USP9X: variants seen among roughly 807,000 people sequenced by gnomAD.
The protein encoded by USP9X is ubiquitin carboxyl-terminal hydrolase 9X.
A neutral mutation model predicts 190.3 loss-of-function variants in USP9X; 7 were observed. The observed-to-expected ratio is 0.04, with a 90% CI of 0.02 to 0.07. The LOEUF is 0.07. Ranked by LOEUF, USP9X falls within the 10% of genes least tolerant of loss-of-function variation. The pLI is 1.00. For synonymous variants in USP9X, 645 were observed against 659.5 expected (o/e 0.98, Z 0.34); for missense variants, 1,010 against 1,916.9 (o/e 0.53, Z 8.83).
chrX:41,128,063 A>G (rs1407611512), intron 2 of USP9X, among the ~76,000 whole-genome samples: 1 of 111,961 alleles, frequency 8.9e-6, no homozygotes, highest in Non-Finnish European at 1.9e-5. Flanking sequence ...GAGGAATGAA[A>G]GAGAAAAATA....
chrX:41,125,682 A>ACTCTCTCTCTCTCTCT (rs1477045514), intron 2 of USP9X, among the ~76,000 whole-genome samples: 8 of 22,846 alleles, frequency 3.5e-4, no homozygotes, highest in Admixed American at 7.4e-4. Context: ...ACACACACAC[A>ACTCTCTCTCTCTCTCT]CACTCTCTCT....
intron 1 of USP9X, among the ~76,000 whole-genome samples, chrX:41,113,061 C>T (rs1278065786): frequency 8.9e-6 from 1 of 112,075 alleles, no homozygotes; most frequent in East Asian, 2.8e-4. Flanking sequence ...GGTAGAAAAA[C>T]TGCTGTGTAG....
intron 2 of USP9X, among the ~76,000 whole-genome samples, chrX:41,125,684 A>ACACACACACACACCCTCTCTCT: frequency 5.3e-5 from 1 of 19,027 alleles, no homozygotes; most frequent in Non-Finnish European, 9.0e-5. Context: ...ACACACACAC[A>ACACACACACACACCCTCTCTCT]CTCTCTCTCT....
intron 21 of USP9X, 145 bp from the exon 22 acceptor site, chrX:41,183,853 G>T (rs1437108272): frequency 4.6e-6 from 3 of 656,651 alleles, no homozygotes; most frequent in African/African-American, 4.7e-5. Context: ...ATCATTCCAG[G>T]TCTTGTCATG....
intron 14 of USP9X, among the ~76,000 whole-genome samples, chrX:41,157,484 A>G (rs2062589547): frequency 9.0e-6 from 1 of 111,300 alleles, no homozygotes; most frequent in Non-Finnish European, 1.9e-5. Flanking sequence ...AAGGATTAAA[A>G]GAAGGAGGAA....
intron 39 of USP9X, 63 bp from the exon 40 acceptor site, chrX:41,224,679 G>A (rs1266714271): frequency 1.1e-6 from 1 of 949,350 alleles, no homozygotes; most frequent in African/African-American, 2.0e-5. Flanking sequence ...TATCGTGAAA[G>A]TTGTGTATTA....
chrX:41,153,575 T>C (rs1282365663), intron 14 of USP9X, among the ~76,000 whole-genome samples: 6 of 112,171 alleles, frequency 5.3e-5, no homozygotes, highest in African/African-American at 1.9e-4. Context: ...AGTGTGAAAT[T>C]GTTTGAACAT....
chrX:41,210,476 C>T, intron 32 of USP9X, 33 bp from the exon 33 acceptor site: 2 of 1,187,215 alleles, frequency 1.7e-6, no homozygotes, highest in South Asian at 3.7e-5. Flanking sequence ...GTGAATGTTA[C>T]ATGTTACATG....
chrX:41,167,929 C>T, intron 17 of USP9X, 78 bp from the exon 18 acceptor site: 1 of 848,764 alleles, frequency 1.2e-6, no homozygotes, highest in South Asian at 3.0e-5. Flanking sequence ...CAGCCATTGC[C>T]ATCTTTAATT....
intron 4 of USP9X, among the ~76,000 whole-genome samples, chrX:41,133,264 A>T (rs980450150): frequency 8.9e-6 from 1 of 112,140 alleles, no homozygotes; most frequent in African/African-American, 3.2e-5. Flanking sequence ...GACAGGTTAC[A>T]GTTGTTTTCA....
intron 13 of USP9X, among the ~76,000 whole-genome samples, chrX:41,151,854 G>A (rs780563380): frequency 5.3e-5 from 6 of 112,202 alleles, no homozygotes; most frequent in African/African-American, 1.3e-4. Flanking sequence ...GGTGGCATGC[G>A]CCTGTAGTCC....
intron 21 of USP9X, among the ~76,000 whole-genome samples, chrX:41,177,669 G>A (rs1017021516): frequency 1.8e-5 from 2 of 112,011 alleles, no homozygotes; most frequent in African/African-American, 6.5e-5. Flanking sequence ...TGTGATTGTT[G>A]CCTAAATGTT....
chrX:41,207,064 CTA>C (rs1299149882), intron 32 of USP9X, among the ~76,000 whole-genome samples: 1 of 94,982 alleles, frequency 1.1e-5, no homozygotes, highest in Non-Finnish European at 2.0e-5. Flanking sequence ...TAGGCATGAG[CTA>C]CTGCTCCCTG....
chrX:41,210,323 C>T, intron 32 of USP9X, among the ~76,000 whole-genome samples, 186 bp from the exon 33 acceptor site: 1 of 112,167 alleles, frequency 8.9e-6, no homozygotes, highest in Non-Finnish European at 1.9e-5. Context: ...TCTCTTACCC[C>T]ACTACATTCT....
At chrX:41,110,981 A>T (rs778383650) in intron 1 of USP9X, among the ~76,000 whole-genome samples, 54 of 111,790 alleles carry the variant, frequency 4.8e-4, no homozygotes, top group Non-Finnish European at 7.9e-4. Flanking sequence ...CATTGGACAC[A>T]TCATGAAAGA....
intron 2 of USP9X, among the ~76,000 whole-genome samples, chrX:41,128,638 A>T (rs2062277876): frequency 8.9e-6 from 1 of 112,230 alleles, no homozygotes; most frequent in Admixed American, 9.5e-5. Context: ...CAAGTCCCTG[A>T]TATAAAATGG....
At position 41,085,613 on chromosome X, in the gene USP9X, C is replaced by T; in HGVS notation, c.-655C>T. 1 of 286,308 alleles carries T rather than the reference C, an allele frequency of 3.5e-6. No homozygotes were observed. The highest frequency in any genetic ancestry group is 6.1e-6 in the Non-Finnish European group (1 of 162,946). 23.6% of individuals were successfully genotyped at this position (286,308 alleles called of 1,213,427 possible). On this transcript the variant is annotated 5_prime_UTR_variant, in exon 1 of 45. Coordinates refer to ENST00000378308, the MANE Select transcript of USP9X (RefSeq NM_001039591.3). Reference sequence around the variant, plus strand: ...CCCGGGCCTCGCGGGAGCCCGCCGCCGCCGCCTCTCTCTCACGGGAGGCGG... The same window carrying T: ...CCCGGGCCTCGCGGGAGCCCGCCGCTGCCGCCTCTCTCTCACGGGAGGCGG...
chrX:41,167,345 T>C (rs2147116295), intron 16 of USP9X, 137 bp from the exon 17 acceptor site: 1 of 449,637 alleles, frequency 2.2e-6, no homozygotes, highest in East Asian at 4.6e-5. Flanking sequence ...CACTTAATTT[T>C]ACTTGATTAT....
intron 12 of USP9X, among the ~76,000 whole-genome samples, chrX:41,149,514 G>C (rs1222141435): frequency 5.5e-5 from 6 of 108,841 alleles, no homozygotes; most frequent in Non-Finnish European, 1.1e-4. Context: ...CCTTCTGCTT[G>C]CCAAAACTGT....
Sources: allele counts gnomAD v4.1 joint callset (sites outside exome capture counted in the v4.1 genomes callset), GRCh38; gene constraint gnomAD v4.1.1; transcripts MANE v1.5; gene names NCBI Gene and HGNC (gene_info 2026-07-23, HGNC 2026-07-21).